Variants in TTC17 observed in about 807,000 individuals in gnomAD.
The protein encoded by TTC17 is tetratricopeptide repeat domain 17, also known as tetratricopeptide repeat protein 17.
In TTC17, 58 loss-of-function variants were observed where a neutral mutation model predicts 143.8. The ratio of observed to expected loss-of-function variants is 0.40; its 90% CI spans 0.33 to 0.50. The LOEUF (loss-of-function observed/expected upper bound fraction) is 0.50. TTC17 is among the 20% of genes least tolerant of loss of function. TTC17 has a pLI of 0.49. For missense variants in TTC17, 1,273 were observed against 1,392.5 expected (o/e 0.91, Z 1.37); for synonymous variants, 501 against 497.8 (o/e 1.01, Z -0.09).
At chr11:43,462,631 C>T (rs1334144984) in intron 21 of TTC17, among the ~76,000 whole-genome samples, 2 of 152,104 alleles carry the variant, frequency 1.3e-5, no homozygotes, top group African/African-American at 2.4e-5. Context: ...TTGTTTTAAA[C>T]CACCAAGTAT....
chr11:43,482,781 A>G (rs1048431514), intron 21 of TTC17, among the ~76,000 whole-genome samples: 1 of 152,120 alleles, frequency 6.6e-6, no homozygotes, highest in African/African-American at 2.4e-5. Flanking sequence ...CAACTATATT[A>G]ATAATTATGA....
chr11:43,408,734 C>CA (rs1410328930), intron 15 of TTC17, among the ~76,000 whole-genome samples: 3 of 151,884 alleles, frequency 2.0e-5, no homozygotes, highest in Non-Finnish European at 4.4e-5. Flanking sequence ...GTGGGTACCC[C>CA]AAAAATATAC....
At chr11:43,468,822 G>A (rs181231648) in intron 21 of TTC17, among the ~76,000 whole-genome samples, 38 of 152,218 alleles carry the variant, frequency 2.5e-4, no homozygotes, top group Admixed American at 1.8e-3. Context: ...CTACACAGGA[G>A]GCTGAGTTGG....
chr11:43,444,309 T>A (rs1159963606), intron 18 of TTC17, 100 bp downstream of exon 18: 49 of 1,250,288 alleles, frequency 3.9e-5, no homozygotes, highest in Non-Finnish European at 4.9e-5. Flanking sequence ...TCAGATGAGA[T>A]GATAAAGGGG....
At chr11:43,382,006 G>C (rs971639234) in intron 2 of TTC17, among the ~76,000 whole-genome samples, 3 of 152,134 alleles carry the variant, frequency 2.0e-5, no homozygotes, top group African/African-American at 7.2e-5. Context: ...AAACTCAAGG[G>C]GAAAGATGCA....
rs999984822 is a variant in TTC17 at position 43,416,081 on chromosome 11, A to C, written c.2251+1305A>C. ...GCTAAAAGTAAGCCATTAGAAATTC[A>C]TAGTGAATACAAGGTGCTCAGAACT... On this transcript the variant is annotated intron_variant, in intron 16 of 23. Transcript: ENST00000039989. Among the ~76,000 whole-genome samples, 4 of 152,286 alleles carry C rather than the reference A, an allele frequency of 2.6e-5. No individual in the cohort carries two copies. In the East Asian group the frequency reaches 7.7e-4, roughly 29 times the overall value.
At position 43,452,106 on chromosome 11, in the gene TTC17, G is replaced by A. The variant is rs139934782; in HGVS notation, c.3030+841G>A. On this transcript the variant is annotated intron_variant, in intron 21 of 23. Transcript: ENST00000039989. ...GGCAGGGTTAGCAATTTCAGAAAAC[G>A]TCAGCAAAATTCTACTACCTGAAGG... 1.8e-3 allele frequency among the ~76,000 whole-genome samples: 277 copies of A among 152,280 alleles called. 2 individuals are homozygous for A. The highest frequency in any genetic ancestry group is 3.5e-3 in the Non-Finnish European group (239 of 68,024).
chr11:43,431,200 C>T (rs1554994295), intron 16 of TTC17, among the ~76,000 whole-genome samples: 7 of 152,120 alleles, frequency 4.6e-5, no homozygotes, highest in Non-Finnish European at 1.0e-4. Context: ...GGTTCCATGT[C>T]TTTGCTGTTG....
intron 1 of TTC17, among the ~76,000 whole-genome samples, chr11:43,377,455 A>T (rs1281679328): frequency 6.6e-6 from 1 of 152,232 alleles, no homozygotes; most frequent in African/African-American, 2.4e-5. Context: ...ATTCACATTA[A>T]CATTTCCCAA....
intron 18 of TTC17, chr11:43,445,931 G>C (rs752758409): frequency 3.3e-5 from 41 of 1,243,122 alleles, no homozygotes; most frequent in African/African-American, 7.4e-5. Context: ...TTTTGGTTAG[G>C]GCTACTAGAC....
rs983981588 is a variant in TTC17 at position 43,483,792 on chromosome 11, A to G, written c.3031-6447A>G. ...GAAATCAAGAAAAAGAATGCAGACTATCACCACTTCTTTTCAACCTTGTAC... is the reference window on the plus strand; with the variant it reads ...GAAATCAAGAAAAAGAATGCAGACTGTCACCACTTCTTTTCAACCTTGTAC... On this transcript the variant is annotated intron_variant, in intron 21 of 23. Coordinates refer to ENST00000039989, the MANE Select transcript of TTC17 (RefSeq NM_018259.6). 1.3e-4 allele frequency among the ~76,000 whole-genome samples: 20 copies of G among 152,364 alleles called. 4 individuals are homozygous for G. The highest frequency in any genetic ancestry group is 1.2e-3 in the Admixed American group (18 of 15,302).
At chr11:43,461,390 CAAAAAAAA>C (rs750240102) in intron 21 of TTC17, among the ~76,000 whole-genome samples, 7 of 36,060 alleles carry the variant, frequency 1.9e-4, no homozygotes, top group African/African-American at 4.1e-4. Context: ...AACTCCGTCT[CAAAAAAAA>C]AAAAAAAAAA....
At chr11:43,422,820 A>G (rs1946937989) in intron 16 of TTC17, among the ~76,000 whole-genome samples, 1 of 152,186 alleles carries the variant, frequency 6.6e-6, no homozygotes, top group South Asian at 2.1e-4. Flanking sequence ...GATGGCAAGC[A>G]ACTCTTAAGT....
intron 1 of TTC17, among the ~76,000 whole-genome samples, chr11:43,367,249 A>G (rs949733746): frequency 1.6e-4 from 24 of 152,234 alleles, no homozygotes; most frequent in Non-Finnish European, 2.9e-4. Flanking sequence ...GAGAAGAGCC[A>G]TAATTTCAGA....
In TTC17 at chr11:43,493,940, C is replaced by T; in HGVS notation, c.*36C>T. The T allele has an allele frequency of 6.6e-7, 1 of 1,524,038 alleles. No homozygotes were observed. Among genetic ancestry groups the T allele is most frequent in the Non-Finnish European group, 8.8e-7 (1 of 1,135,838 alleles). The allele number at this position is 1,524,038 out of a possible 1,614,324, so 94.4% of individuals were successfully genotyped here. ...CCTTCTCTCTTTCTCTTTACTCATG[C>T]TCTAAAAAAAAAGAATAAGAAAAGA... On this transcript the variant is annotated 3_prime_UTR_variant, in exon 24 of 24. Coordinates refer to ENST00000039989, the MANE Select transcript of TTC17 (RefSeq NM_018259.6).
chr11:43,367,829 T>A (rs1371402570), intron 1 of TTC17, among the ~76,000 whole-genome samples: 1 of 151,944 alleles, frequency 6.6e-6, no homozygotes, highest in African/African-American at 2.4e-5. Context: ...CCCCCTCCAA[T>A]TCATCCTTCA....
At chr11:43,399,829 G>T in intron 8 of TTC17, 59 bp from the exon 9 acceptor site, 1 of 1,517,600 alleles carries the variant, frequency 6.6e-7, no homozygotes, top group South Asian at 1.3e-5. Context: ...GCATTTAAGT[G>T]GGTTTAAAAT....
At chr11:43,446,861 A>G in intron 18 of TTC17, 1 of 187,500 alleles carries the variant, frequency 5.3e-6, no homozygotes, top group Non-Finnish European at 1.0e-5. Context: ...GGATATTAAT[A>G]AACAGAGCTT....
intron 21 of TTC17, among the ~76,000 whole-genome samples, chr11:43,485,959 C>G (rs1490580616): frequency 1.4e-5 from 2 of 144,734 alleles, no homozygotes; most frequent in Admixed American, 7.1e-5. Context: ...CTACTCTAGA[C>G]TATAACAGGA....
Sources: allele counts gnomAD v4.1 joint callset (sites outside exome capture counted in the v4.1 genomes callset), GRCh38; gene constraint gnomAD v4.1.1; transcripts MANE v1.5; gene names NCBI Gene and HGNC (gene_info 2026-07-23, HGNC 2026-07-21).